The following OLR1 variants were observed in gnomAD, a reference collection of about 807,000 sequenced individuals.
The protein encoded by OLR1 is oxidized low density lipoprotein receptor 1.
OLR1 carries 23 observed loss-of-function variants against 31.7 expected under a neutral mutation model. That is an observed-to-expected ratio of 0.72 (90% CI 0.52 to 1.03). The LOEUF is 1.03. OLR1 is among the 50% of genes least tolerant of loss of function. OLR1 has a pLI of 0.00. For missense variants in OLR1, 286 were observed against 315.7 expected, an observed-to-expected ratio of 0.91 and a Z score of 0.71; for synonymous variants, 117 against 115.8, an observed-to-expected ratio of 1.01 and a Z score of -0.07.
rs1261624919 is a variant in OLR1, at chr12:10,160,384, A to G, written c.643T>C (p.Trp215Arg). The change falls in exon 5 of 6, where the codon TGG becomes CGG. Residue 215 changes from tryptophan (W) to arginine (R), a missense_variant. By Grantham distance (101) the Trp-to-Arg change is moderately radical. Coordinates refer to ENST00000309539, the MANE Select transcript of OLR1 (RefSeq NM_002543.4). ...AAAGGAGAACCGTCCTCCCAGAGCCATGGGTAGCTGGGGTTCCTCCGAGAC... is the reference window on the plus strand; with the variant it reads ...AAAGGAGAACCGTCCTCCCAGAGCCGTGGGTAGCTGGGGTTCCTCCGAGAC... ...GLSRRNPSYPWLWEDGSPLMP... is the reference protein window; with the variant it reads ...GLSRRNPSYPRLWEDGSPLMP... 3 of 1,613,792 alleles carry G rather than the reference A, an allele frequency of 1.9e-6. No individual in the cohort carries two copies. Among genetic ancestry groups the G allele is most frequent in the Non-Finnish European group, 2.5e-6 (3 of 1,179,944 alleles).
chr12:10,172,118 G>T lies in OLR1; in HGVS notation c.-41C>A. 2 of 1,444,562 alleles carry T rather than the reference G, an allele frequency of 1.4e-6. No individual in the cohort carries two copies. Among genetic ancestry groups the T allele is most frequent in the South Asian group, 1.1e-5 (1 of 87,392 alleles). 89.5% of individuals were successfully genotyped at this position (1,444,562 alleles called of 1,614,324 possible). ...AAGAATGAGAGAGTGAAGCAGTCAC[G>T]AACTTCAACAAACTAAAAATATGTG... On this transcript the variant is annotated 5_prime_UTR_variant, in exon 1 of 6. Transcript: ENST00000309539.
chr12:10,162,015 G>T (rs1208571931), intron 3 of OLR1, among the ~76,000 whole-genome samples: 2 of 151,348 alleles, frequency 1.3e-5, no homozygotes, highest in Non-Finnish European at 2.9e-5. Context: ...ATAAAGCGAG[G>T]ATCTCAATTT....
chr12:10,160,011 G>A lies in OLR1; in HGVS notation c.691C>T (p.Arg231Ter), dbSNP rs199989233. 5 of 1,603,492 alleles carry A rather than the reference G, an allele frequency of 3.1e-6. No homozygotes were observed. The highest frequency in any genetic ancestry group is 1.7e-5 in the Admixed American group (1 of 58,518). Residue 231 changes from arginine (R) to a stop codon, truncating the protein, a stop_gained, in exon 6 of 6, where the codon CGA becomes TGA. Transcript: ENST00000309539. LOFTEE classifies it low-confidence loss of function (END_TRUNC). ...SPLMPHLFRV[R>*]GAVSQTYPSG... ...GGGTATGTCTGGGAGACAGCGCCTC[G>A]GACTCTAAATCTGCAGGTAGGAAAA...
Position 10,160,328 on chromosome 12 carries a change from A to G in OLR1, c.680+19T>C. 8 of 1,591,356 alleles carry G rather than the reference A, an allele frequency of 5.0e-6. No individual in the cohort carries two copies. The highest frequency in any genetic ancestry group is 6.9e-6 in the Non-Finnish European group (8 of 1,162,010). On this transcript the variant is annotated intron_variant, in intron 5 of 5. Coordinates refer to ENST00000309539, the MANE Select transcript of OLR1 (RefSeq NM_002543.4). Reference sequence around the variant, plus strand: ...TAGGAAACTGACGAGAGAGGCATCAAAAAGAATGGGAAACTTACAAGTGGG... The same window carrying G: ...TAGGAAACTGACGAGAGAGGCATCAGAAAGAATGGGAAACTTACAAGTGGG...
chr12:10,170,958 A>G (rs774383125), intron 1 of OLR1: 2 of 152,072 alleles, frequency 1.3e-5, no homozygotes, highest in African/African-American at 2.4e-5. Flanking sequence ...TCATAAACCA[A>G]TCCGATTCTT....
rs1948666311 is a variant in OLR1, at chr12:10,166,809, A to G, written c.327T>C (p.Leu109=). The G allele has an allele frequency of 1.2e-6, 2 of 1,613,856 alleles. No individual in the cohort carries two copies. Among genetic ancestry groups the G allele is most frequent in the Non-Finnish European group, 1.7e-6 (2 of 1,180,008 alleles). ...ENELKEMIET[L]ARKLNEKSKE... is the part of the protein sequence containing the mutation. ...TGGATTTCTCATTCAGCTTCCGAGC[A>G]AGGGTTTCTATCATTTCCTTGAGTT... Residue 109 remains leucine (L), a synonymous_variant, in exon 3 of 6, where the codon CTT becomes CTC. Coordinates refer to ENST00000309539, the MANE Select transcript of OLR1 (RefSeq NM_002543.4).
chr12:10,171,911 T>C, intron 1 of OLR1, 91 bp downstream of exon 1: 1 of 921,238 alleles, frequency 1.1e-6, no homozygotes, highest in Non-Finnish European at 1.7e-6. Flanking sequence ...TACTTGGGTG[T>C]TTAGCTTTCT....
intron 3 of OLR1, among the ~76,000 whole-genome samples, chr12:10,163,381 T>A (rs1364715152): frequency 6.6e-6 from 1 of 152,192 alleles, no homozygotes; most frequent in African/African-American, 2.4e-5. Flanking sequence ...TCTATTTACA[T>A]ACAGTAAAGT....
upstream of OLR1, among the ~76,000 whole-genome samples, chr12:10,175,806 C>A (rs1218933730): frequency 1.3e-5 from 2 of 152,146 alleles, no homozygotes; most frequent in Admixed American, 1.3e-4. Context: ...GAGGTTGATG[C>A]CTCAGAGTCC....
At chr12:10,169,567 A>G (rs1301317601) in intron 1 of OLR1, among the ~76,000 whole-genome samples, 3 of 152,246 alleles carry the variant, frequency 2.0e-5, no homozygotes, top group Non-Finnish European at 4.4e-5. Flanking sequence ...CAGTGCAGAG[A>G]GCCTGAAGTT....
At chr12:10,169,415 C>G (rs538332978) in intron 1 of OLR1, among the ~76,000 whole-genome samples, 1 of 152,290 alleles carries the variant, frequency 6.6e-6, no homozygotes, top group South Asian at 2.1e-4. Flanking sequence ...CATGGTCACA[C>G]AGCCAGTAAA....
At position 10,166,545 on chromosome 12, in the gene OLR1, GAAAGAA is replaced by G. The variant is rs1464158083; in HGVS notation, c.424+161_424+166del. ...TCCATCTAAAAAAAAAAAAGAAAAAGAAAGAAAAAGAAAAAGAAATTGAGAACTTCT... is the reference window on the plus strand; with the variant it reads ...TCCATCTAAAAAAAAAAAAGAAAAAGAAAGAAAAAGAAATTGAGAACTTCT... On this transcript the variant is annotated intron_variant, in intron 3 of 5. Transcript: ENST00000309539. Among the ~76,000 whole-genome samples, 442 of 151,156 alleles carry G rather than the reference GAAAGAA, an allele frequency of 2.9e-3. 3 individuals are homozygous for G. Among genetic ancestry groups the G allele is most frequent in the African/African-American group, 0.01 (425 of 41,184 alleles).
intron 3 of OLR1, among the ~76,000 whole-genome samples, chr12:10,164,634 C>T (rs909404178): frequency 1.3e-5 from 2 of 152,178 alleles, no homozygotes; most frequent in African/African-American, 4.8e-5. Flanking sequence ...CAATAGGGCA[C>T]TAATTTACGC....
At chr12:10,167,474 A>G (rs540727066) in intron 2 of OLR1, 2 of 152,700 alleles carry the variant, frequency 1.3e-5, no homozygotes, top group East Asian at 3.9e-4. Context: ...AACAAAAAAA[A>G]CCCAAGATTT....
At position 10,172,041 on chromosome 12, in the gene OLR1, C is replaced by G. The variant is rs1157378441; in HGVS notation, c.37G>C (p.Asp13His). The change falls in exon 1 of 6, where the codon GAC becomes CAC. Residue 13 changes from aspartate to histidine, a missense_variant. Transcript: ENST00000309539. ...FDDLKIQTVKDQPDEKSNGKK... is the reference protein window; with the variant it reads ...FDDLKIQTVKHQPDEKSNGKK... ...CCATTTGACTTCTCATCAGGCTGGT[C>G]CTTCACAGTCTGGATCTTTAGGTCA... 6.2e-7 allele frequency: 1 copy of G among 1,613,724 alleles called. No homozygotes were observed. Among genetic ancestry groups the G allele is most frequent in the East Asian group, 2.2e-5 (1 of 44,860 alleles).
intron 1 of OLR1, among the ~76,000 whole-genome samples, chr12:10,169,828 T>C (rs1029502232): frequency 6.6e-6 from 1 of 151,982 alleles, no homozygotes; most frequent in African/African-American, 2.4e-5. Flanking sequence ...TCACGCCAAG[T>C]GTAGGCTTGA....
chr12:10,158,565 G>A lies in OLR1; in HGVS notation c.*1315C>T, dbSNP rs1244846243. On this transcript the variant is annotated 3_prime_UTR_variant, in exon 6 of 6. Coordinates refer to ENST00000309539, the MANE Select transcript of OLR1 (RefSeq NM_002543.4). ...TAAAACTACAAAATGCAAAATGAAA[G>A]CCGATTGGTGGTTTTCTGGGGAGGA... 1 of 152,032 alleles carries A rather than the reference G, an allele frequency of 6.6e-6. No homozygotes were observed. Among genetic ancestry groups the A allele is most frequent in the Non-Finnish European group, 1.5e-5 (1 of 68,012 alleles). 9.4% of individuals were successfully genotyped at this position (152,032 alleles called of 1,614,324 possible). A position where few individuals can be genotyped will look rare whatever the true frequency, so the allele number is the denominator to read the frequency against.
chr12:10,175,374 G>A (rs1208372086), upstream of OLR1: 1 of 152,140 alleles, frequency 6.6e-6, no homozygotes, highest in Non-Finnish European at 1.5e-5. Context: ...AGGCTCACCT[G>A]AGAATGCATG....
At chr12:10,173,598 C>T (rs896235154), upstream of OLR1, among the ~76,000 whole-genome samples, 5 of 151,450 alleles carry the variant, frequency 3.3e-5, no homozygotes, top group African/African-American at 4.8e-5. Context: ...CCTGGCCAAC[C>T]TGTTGAAACC....
Sources: allele counts gnomAD v4.1 joint callset (sites outside exome capture counted in the v4.1 genomes callset), GRCh38; gene constraint gnomAD v4.1.1; transcripts MANE v1.5; gene names NCBI Gene and HGNC (gene_info 2026-07-23, HGNC 2026-07-21).